Variants in SH3PXD2A observed in about 807,000 individuals in gnomAD.
SH3PXD2A encodes SH3 and PX domain-containing protein 2A.
In SH3PXD2A, 32 loss-of-function variants were observed where a neutral mutation model predicts 115.2. That is an observed-to-expected ratio of 0.28 (90% CI 0.21 to 0.37). The LOEUF is 0.37. Ranked by LOEUF, SH3PXD2A falls within the 10% of genes least tolerant of loss-of-function variation. The pLI, the probability that SH3PXD2A is intolerant of heterozygous loss-of-function variation, is 1.00. For missense variants in SH3PXD2A, 1,328 were observed against 1,498.7 expected, an observed-to-expected ratio of 0.89 and a Z score of 1.88; for synonymous variants, 610 against 629.1, an observed-to-expected ratio of 0.97 and a Z score of 0.45.
chr10:103,807,605 T>C (rs2039219898), intron 1 of SH3PXD2A, among the ~76,000 whole-genome samples: 1 of 152,228 alleles, frequency 6.6e-6, no homozygotes, highest in Non-Finnish European at 1.5e-5. Context: ...ATCTAACCTA[T>C]ACTTTACATC....
intron 3 of SH3PXD2A, among the ~76,000 whole-genome samples, chr10:103,747,802 T>TTTTATTTA (rs143730553): frequency 1.8e-3 from 280 of 151,836 alleles, no homozygotes; most frequent in African/African-American, 6.3e-3. Context: ...CCTGCTTTCA[T>TTTTATTTA]TTTATTTATT....
chr10:103,692,927 C>G lies in SH3PXD2A; in HGVS notation c.427+101G>C, dbSNP rs1026841175. ...CCGTAGGCTGGCGTGCAAGGACAAC[C>G]CCCCCCTCCCCGCCCCCAAGAAGTC... On this transcript the variant is annotated intron_variant, in intron 6 of 14. Coordinates refer to ENST00000369774, the MANE Select transcript of SH3PXD2A (RefSeq NM_001394015.1). 4.2e-6 allele frequency: 4 copies of G among 943,054 alleles called. No homozygotes were observed. The African/African-American group carries it at 6.7e-5, about 16-fold the overall frequency. 58.4% of individuals were successfully genotyped at this position (943,054 alleles called of 1,614,324 possible). A position where few individuals can be genotyped will look rare whatever the true frequency, so the allele number is the denominator to read the frequency against.
chr10:103,782,937 G>GCC (rs1184220234), intron 2 of SH3PXD2A, among the ~76,000 whole-genome samples: 1 of 140,342 alleles, frequency 7.1e-6, no homozygotes, highest in East Asian at 2.1e-4. Flanking sequence ...ATGCCTTGGG[G>GCC]GGGGGGGCTC....
At chr10:103,846,980 G>A (rs886158581) in intron 1 of SH3PXD2A, among the ~76,000 whole-genome samples, 6 of 152,216 alleles carry the variant, frequency 3.9e-5, no homozygotes, top group African/African-American at 7.2e-5. Context: ...TACATGCTGC[G>A]TGGGGCTGTT....
rs534167238 is a variant in SH3PXD2A at position 103,619,028 on chromosome 10, G to A, written c.803-1714C>T. 3.3e-5 allele frequency among the ~76,000 whole-genome samples: 5 copies of A among 151,076 alleles called. No homozygotes were observed. In the South Asian group the frequency reaches 8.3e-4, roughly 25 times the overall value. On this transcript the variant is annotated intron_variant, in intron 10 of 14. Coordinates refer to ENST00000369774, the MANE Select transcript of SH3PXD2A (RefSeq NM_001394015.1). ...GATGGGCTACTAGCCAAATTCAAAC[G>A]GCTGCCCAAAAGCAGAAGGAGGGTG...
At chr10:103,810,941 G>GGC (rs1201418207) in intron 1 of SH3PXD2A, among the ~76,000 whole-genome samples, 25 of 4,254 alleles carry the variant, frequency 5.9e-3, no homozygotes, top group South Asian at 0.017. Context: ...CATGGACACA[G>GGC]GCGCGCGCGC....
rs199737235 is a variant in SH3PXD2A, at chr10:103,603,744, C to T, written c.1474G>A (p.Glu492Lys). 9.9e-6 allele frequency: 16 copies of T among 1,610,904 alleles called. No homozygotes were observed. The East Asian group carries it at 3.6e-4, about 36-fold the overall frequency. The change falls in exon 15 of 15, where the codon GAG (glutamate) becomes AAG (lysine). Residue 492 changes from glutamate to lysine, a missense_variant. Around this residue, in one of 5 missense-constraint regions of SH3PXD2A, gnomAD observed 509 missense variants for 628.3 expected, o/e 0.81. Coordinates refer to ENST00000369774, the MANE Select transcript of SH3PXD2A (RefSeq NM_001394015.1). Reference protein sequence around the residue: ...SGGWWYVQIGEKEGWAPASYI... With the variant: ...SGGWWYVQIGKKEGWAPASYI... Reference sequence around the variant, plus strand: ...GATGCGGGGGCCCAGCCCTCCTTCTCACCGATCTGCACGTACCACCAGCCA... The same window carrying T: ...GATGCGGGGGCCCAGCCCTCCTTCTTACCGATCTGCACGTACCACCAGCCA...
At chr10:103,698,054 GGCCACGCT>G (rs1652878046) in intron 5 of SH3PXD2A, among the ~76,000 whole-genome samples, 2 of 152,198 alleles carry the variant, frequency 1.3e-5, no homozygotes, top group Admixed American at 1.3e-4. Flanking sequence ...GCTCCAAAGG[GGCCACGCT>G]GAGGCCCACT....
At chr10:103,782,735 T>C (rs1408040862) in intron 2 of SH3PXD2A, among the ~76,000 whole-genome samples, 1 of 142,368 alleles carries the variant, frequency 7.0e-6, no homozygotes, top group African/African-American at 2.7e-5. Context: ...TGGTGGCTCA[T>C]CCCTGTAATC....
At chr10:103,681,672 A>G (rs185782852) in intron 6 of SH3PXD2A, among the ~76,000 whole-genome samples, 1 of 152,212 alleles carries the variant, frequency 6.6e-6, no homozygotes, top group African/African-American at 2.4e-5. Context: ...TGAACCCAAG[A>G]GGCAGAGGTT....
intron 1 of SH3PXD2A, among the ~76,000 whole-genome samples, chr10:103,844,309 A>C (rs539562824): frequency 1.3e-5 from 2 of 152,004 alleles, no homozygotes; most frequent in Admixed American, 6.5e-5. Flanking sequence ...ACAGAGTTTC[A>C]CCCTCTCGGA....
intron 5 of SH3PXD2A, among the ~76,000 whole-genome samples, chr10:103,720,140 C>T (rs1314704025): frequency 6.6e-6 from 1 of 152,252 alleles, no homozygotes; most frequent in Non-Finnish European, 1.5e-5. Context: ...ACAGATGGCG[C>T]ACTCTAGCTG....
chr10:103,734,351 A>C (rs1187111921), intron 4 of SH3PXD2A, among the ~76,000 whole-genome samples: 1 of 152,178 alleles, frequency 6.6e-6, no homozygotes, highest in Non-Finnish European at 1.5e-5. Context: ...GAAACATTAA[A>C]TTATTTTGTG....
chr10:103,801,524 C>A (rs934598098), intron 1 of SH3PXD2A, among the ~76,000 whole-genome samples, 162 bp from the exon 2 acceptor site: 19 of 138,446 alleles, frequency 1.4e-4, no homozygotes, highest in African/African-American at 4.9e-4. Flanking sequence ...CATGTAGATG[C>A]TACAATATAT....
intron 7 of SH3PXD2A, among the ~76,000 whole-genome samples, chr10:103,664,166 AG>A (rs2037352514): frequency 6.6e-6 from 1 of 152,208 alleles, no homozygotes; most frequent in African/African-American, 2.4e-5. Flanking sequence ...CGGCACAAAA[AG>A]GGCCATCCCT....
intron 5 of SH3PXD2A, among the ~76,000 whole-genome samples, chr10:103,717,131 G>A (rs1319047945): frequency 6.6e-6 from 1 of 152,230 alleles, no homozygotes; most frequent in Non-Finnish European, 1.5e-5. Context: ...ACTTGCCTGA[G>A]GCAAGTGGCA....
At chr10:103,608,213 C>T (rs1045559527) in intron 13 of SH3PXD2A, among the ~76,000 whole-genome samples, 1 of 143,402 alleles carries the variant, frequency 7.0e-6, no homozygotes, top group African/African-American at 2.6e-5. Context: ...GAGAACACCA[C>T]GTGAAGCCTG....
At chr10:103,833,973 G>A (rs1036590895) in intron 1 of SH3PXD2A, among the ~76,000 whole-genome samples, 1 of 152,074 alleles carries the variant, frequency 6.6e-6, no homozygotes, top group Admixed American at 6.5e-5. Flanking sequence ...GAGAGTCCCT[G>A]GGGAACAGAT....
At chr10:103,692,918 A>T in intron 6 of SH3PXD2A, 110 bp downstream of exon 6, 1 of 926,800 alleles carries the variant, frequency 1.1e-6, no homozygotes, top group Non-Finnish European at 1.7e-6. Context: ...GCTGGCGTGC[A>T]AGGACAACCC....
Sources: allele counts gnomAD v4.1 joint callset (sites outside exome capture counted in the v4.1 genomes callset), GRCh38; gene constraint gnomAD v4.1.1; regional missense constraint gnomAD v4.1.1; transcripts MANE v1.5; gene names NCBI Gene and HGNC (gene_info 2026-07-23, HGNC 2026-07-21).